The following ST3GAL4 variants were observed in gnomAD, a reference collection of about 807,000 sequenced individuals.
The protein encoded by ST3GAL4 is ST3 beta-galactoside alpha-2,3-sialyltransferase 4, also known as CMP-N-acetylneuraminate-beta-galactosamide-alpha-2,3-sialyltransferase 4.
ST3GAL4 carries 24 observed loss-of-function variants against 42.6 expected under a neutral mutation model. That is an observed-to-expected ratio of 0.56 (90% CI 0.41 to 0.79). The LOEUF is 0.79. ST3GAL4 is among the 30% of genes least tolerant of loss of function. The pLI, the probability that ST3GAL4 is intolerant of heterozygous loss-of-function variation, is 0.00. For missense variants in ST3GAL4, 311 were observed against 430.8 expected (o/e 0.72, Z 2.46); for synonymous variants, 135 against 163.2 (o/e 0.83, Z 1.32).
chr11:126,388,598 C>G (rs1953328257), intron 1 of ST3GAL4, among the ~76,000 whole-genome samples: 1 of 149,972 alleles, frequency 6.7e-6, no homozygotes. Context: ...TTCCAGAATG[C>G]TGGGATAATA....
chr11:126,374,834 G>A (rs1425197403), intron 1 of ST3GAL4, among the ~76,000 whole-genome samples: 1 of 151,310 alleles, frequency 6.6e-6, no homozygotes, highest in Admixed American at 6.6e-5. Context: ...AGTGTTGATC[G>A]GGTGGATTCT....
Position 126,373,303 on chromosome 11 carries a change from T to G in ST3GAL4, c.-61+17461T>G, listed in dbSNP as rs1161218996. Reference sequence around the variant, plus strand: ...CAATTTTGCCTTTAACTTCAGATCCTTGGGGTGGGTGCATTGCTTCTCCTG... The same window carrying G: ...CAATTTTGCCTTTAACTTCAGATCCGTGGGGTGGGTGCATTGCTTCTCCTG... On this transcript the variant is annotated intron_variant, in intron 1 of 10. Transcript: ENST00000444328. The surrounding 1 kb of genome is among the most constrained non-coding windows in gnomAD (Gnocchi z 5.5). Among the ~76,000 whole-genome samples, 1 of 152,148 alleles carries G rather than the reference T, an allele frequency of 6.6e-6. No individual in the cohort carries two copies. The highest frequency in any genetic ancestry group is 2.4e-5 in the African/African-American group (1 of 41,426).
Position 126,396,535 on chromosome 11 carries a change from CTG to C in ST3GAL4, c.-60-9557_-60-9556del, listed in dbSNP as rs1223358473. Among the ~76,000 whole-genome samples the C allele has an allele frequency of 1.3e-5, 2 of 151,968 alleles. No individual in the cohort carries two copies. Among genetic ancestry groups the C allele is most frequent in the African/African-American group, 4.9e-5 (2 of 41,230 alleles). On this transcript the variant is annotated intron_variant, in intron 1 of 10. Transcript: ENST00000444328. This position sits in a 1 kb window ranked among gnomAD's most constrained non-coding sequence, Gnocchi z 5.8. ...GCACCAGGGCTGTGGGGGCTAGAGA[CTG>C]TGTCTCGTGCGGAAGCGTGGCTGAG...
At position 126,403,491 on chromosome 11, in the gene ST3GAL4, GGC is replaced by G. The variant is rs1391978992; in HGVS notation, c.-60-2602_-60-2601del. 1.4e-5 allele frequency: 14 copies of G among 974,476 alleles called. No homozygotes were observed. In the African/African-American group the frequency reaches 2.5e-4, roughly 17 times the overall value. The allele number at this position is 974,476 out of a possible 1,614,324, so 60.4% of individuals were successfully genotyped here. A position where few individuals can be genotyped will look rare whatever the true frequency, so the allele number is the denominator to read the frequency against. ...CATTTTAGAATCACAGAGGAGGTAC[GGC>G]GCTGATTTGTTTTACTATTCCCTAT... On this transcript the variant is annotated intron_variant, in intron 1 of 10. Coordinates refer to ENST00000444328, the MANE Select transcript of ST3GAL4 (RefSeq NM_001254757.2).
rs767301667 is a variant in ST3GAL4, at chr11:126,406,502, G to T, written c.46G>T (p.Val16Phe). ...RWKLLAMLAL[V>F]LVVMVWYSIS... ...GAAGCTCCTGGCCATGTTGGCTCTG[G>T]TCCTGGTCGTCATGGTGTGGTATTC... The change falls in exon 3 of 11, where the codon GTC (valine) becomes TTC (phenylalanine). Residue 16 changes from valine to phenylalanine, a missense_variant. By Grantham distance (50) the Val-to-Phe change is conservative. Coordinates refer to ENST00000444328, the MANE Select transcript of ST3GAL4 (RefSeq NM_001254757.2). This position sits in a 1 kb window ranked among gnomAD's most constrained non-coding sequence, Gnocchi z 5.4. 8.1e-6 allele frequency: 13 copies of T among 1,614,050 alleles called. No homozygotes were observed. In the East Asian group the frequency reaches 2.4e-4, roughly 30 times the overall value.
chr11:126,364,089 G>A (rs544577105), intron 1 of ST3GAL4, among the ~76,000 whole-genome samples: 1 of 152,264 alleles, frequency 6.6e-6, no homozygotes, highest in Non-Finnish European at 1.5e-5. Context: ...ATGGCGGGGT[G>A]CAGGGGCTCC....
intron 1 of ST3GAL4, among the ~76,000 whole-genome samples, chr11:126,388,657 C>CTT (rs1362486963): frequency 2.9e-4 from 11 of 38,098 alleles, no homozygotes; most frequent in African/African-American, 1.4e-3. Flanking sequence ...AATTAGGTTT[C>CTT]TTGTTTTTTT....
chr11:126,365,360 G>A (rs1169650675), intron 1 of ST3GAL4, among the ~76,000 whole-genome samples: 3 of 152,002 alleles, frequency 2.0e-5, no homozygotes, highest in South Asian at 2.1e-4. Context: ...AGGAGGAGGC[G>A]CTGGCCAGGA....
intron 1 of ST3GAL4, among the ~76,000 whole-genome samples, chr11:126,374,278 C>G (rs656841): frequency 0.5 from 76,188 of 151,174 alleles, 20,950 homozygotes; most frequent in Non-Finnish European, 0.62. Flanking sequence ...ATGGGGAAAC[C>G]CCGTTCCTAC....
In ST3GAL4 at chr11:126,366,880, T is replaced by C. The variant is rs1053849604; in HGVS notation, c.-61+11038T>C. 6.6e-6 allele frequency among the ~76,000 whole-genome samples: 1 copy of C among 152,156 alleles called. No individual in the cohort carries two copies. Among genetic ancestry groups the C allele is most frequent in the Non-Finnish European group, 1.5e-5 (1 of 68,032 alleles). Reference sequence around the variant, plus strand: ...TTAAAAGCAGAGCCGAGAGCCTGAATTCAGAGGCTGTACTGTGGGGCAGGG... The same window carrying C: ...TTAAAAGCAGAGCCGAGAGCCTGAACTCAGAGGCTGTACTGTGGGGCAGGG... On this transcript the variant is annotated intron_variant, in intron 1 of 10. Coordinates refer to ENST00000444328, the MANE Select transcript of ST3GAL4 (RefSeq NM_001254757.2). This position sits in a 1 kb window ranked among gnomAD's most constrained non-coding sequence, Gnocchi z 4.2.
In ST3GAL4 at chr11:126,373,874, C is replaced by T. The variant is rs955402128; in HGVS notation, c.-61+18032C>T. Among the ~76,000 whole-genome samples the T allele has an allele frequency of 3.9e-5, 6 of 152,050 alleles. No individual in the cohort carries two copies. The highest frequency in any genetic ancestry group is 1.4e-4 in the African/African-American group (6 of 41,392). On this transcript the variant is annotated intron_variant, in intron 1 of 10. Transcript: ENST00000444328. The surrounding 1 kb of genome is among the most constrained non-coding windows in gnomAD (Gnocchi z 5.5). ...GTTCAATGATGGGGTGAGGCTGCAG[C>T]GTCCAGCCAGGGACTGTGCCGCAGG...
At chr11:126,405,958 C>A (rs1954209856) in intron 1 of ST3GAL4, 138 bp from the exon 2 acceptor site, 2 of 1,040,496 alleles carry the variant, frequency 1.9e-6, no homozygotes, top group Non-Finnish European at 2.8e-6. Context: ...GAAAACTCAC[C>A]CTCAGGATGA....
intron 1 of ST3GAL4, among the ~76,000 whole-genome samples, chr11:126,375,618 C>A (rs1952807718): frequency 6.6e-6 from 1 of 152,116 alleles, no homozygotes; most frequent in South Asian, 2.1e-4. Flanking sequence ...GTTGAACTCA[C>A]AGGGTCGAGA....
At position 126,396,707 on chromosome 11, in the gene ST3GAL4, G is replaced by A. The variant is rs1213675864; in HGVS notation, c.-60-9389G>A. ...CTAGGGAGCCAGTCTGCACGGGATG[G>A]TTTTAGAAGCCGTAGGATGTGGAGG... is the stretch of plus-strand genomic sequence containing the variant. On this transcript the variant is annotated intron_variant, in intron 1 of 10. Transcript: ENST00000444328. The surrounding 1 kb of genome is among the most constrained non-coding windows in gnomAD (Gnocchi z 5.8). 1.3e-5 allele frequency among the ~76,000 whole-genome samples: 2 copies of A among 150,720 alleles called. No individual in the cohort carries two copies. Among genetic ancestry groups the A allele is most frequent in the South Asian group, 2.1e-4 (1 of 4,786 alleles).
chr11:126,400,283 G>A lies in ST3GAL4; in HGVS notation c.-60-5813G>A, dbSNP rs918764818. Among the ~76,000 whole-genome samples, 7 of 152,226 alleles carry A rather than the reference G, an allele frequency of 4.6e-5. No individual in the cohort carries two copies. Among genetic ancestry groups the A allele is most frequent in the African/African-American group, 1.7e-4 (7 of 41,452 alleles). On this transcript the variant is annotated intron_variant, in intron 1 of 10. Coordinates refer to ENST00000444328, the MANE Select transcript of ST3GAL4 (RefSeq NM_001254757.2). The surrounding 1 kb of genome is among the most constrained non-coding windows in gnomAD (Gnocchi z 4.6). ...AGTGGAATGGCAAGACAGATCAAGA[G>A]GGGACCTAACTGGCCTTTTATAAGG...
Position 126,409,216 on chromosome 11 carries a change from G to C in ST3GAL4, c.628-52G>C. ...CTGAGGACCACTGGGTTGGATTTGA[G>C]AAACAGGGCTTCACCCGCTTCTGTC... On this transcript the variant is annotated intron_variant, in intron 8 of 10. Coordinates refer to ENST00000444328, the MANE Select transcript of ST3GAL4 (RefSeq NM_001254757.2). The surrounding 1 kb of genome is among the most constrained non-coding windows in gnomAD (Gnocchi z 4.9). The C allele has an allele frequency of 6.2e-7, 1 of 1,600,850 alleles. No homozygotes were observed. Among genetic ancestry groups the C allele is most frequent in the African/African-American group, 1.3e-5 (1 of 74,768 alleles).
chr11:126,380,446 G>A (rs1204449228), intron 1 of ST3GAL4, among the ~76,000 whole-genome samples: 1 of 152,142 alleles, frequency 6.6e-6, no homozygotes, highest in Non-Finnish European at 1.5e-5. Context: ...TGTTATGAAA[G>A]GCACAAGTCG....
Position 126,407,330 on chromosome 11 carries a change from C to T in ST3GAL4, c.261C>T (p.Pro87=). The change falls in exon 5 of 11, where the codon CCC becomes CCT. Residue 87 remains proline (P), a synonymous_variant. Coordinates refer to ENST00000444328, the MANE Select transcript of ST3GAL4 (RefSeq NM_001254757.2). ...WVKTPSAYEL[P]YGTKGSEDLL... is the part of the protein sequence containing the mutation. ...AGACGCCATCTGCTTACGAGCTGCCCTATGGGACCAAGGGGAGTGGTAAGT... is the reference window on the plus strand; with the variant it reads ...AGACGCCATCTGCTTACGAGCTGCCTTATGGGACCAAGGGGAGTGGTAAGT... 2 of 1,614,198 alleles carry T rather than the reference C, an allele frequency of 1.2e-6. No individual in the cohort carries two copies. Among genetic ancestry groups the T allele is most frequent in the South Asian group, 2.2e-5 (2 of 91,088 alleles).
chr11:126,356,951 G>C (rs1952091678), intron 1 of ST3GAL4, among the ~76,000 whole-genome samples: 1 of 152,220 alleles, frequency 6.6e-6, no homozygotes, highest in African/African-American at 2.4e-5. Flanking sequence ...CATCTGCCAG[G>C]GGGATTTTAA....
Sources: gnomAD v4.1 joint callset for allele counts (sites outside exome capture counted in the v4.1 genomes callset) on GRCh38, gnomAD v4.1.1 for gene constraint, Gnocchi (gnomAD v3.1) non-coding constraint, MANE v1.5 for transcripts, NCBI Gene and HGNC (gene_info 2026-07-23, HGNC 2026-07-21) for gene names.